The following RAP1B variants were observed in gnomAD, a reference collection of about 807,000 sequenced individuals.
RAP1B encodes RAP1B, member of RAS oncogene family.
RAP1B carries 1 observed loss-of-function variant against 27.5 expected under a neutral mutation model. The observed-to-expected ratio is 0.04, with a 90% CI of 0.01 to 0.17. The LOEUF is 0.17. Ranked by LOEUF, RAP1B falls within the 10% of genes least tolerant of loss-of-function variation. The pLI is 1.00. For missense variants in RAP1B, 84 were observed against 214.8 expected, an observed-to-expected ratio of 0.39 and a Z score of 3.81; for synonymous variants, 75 against 73.1, an observed-to-expected ratio of 1.03 and a Z score of -0.13.
Position 68,661,274 on chromosome 12 carries a change from T to C in RAP1B, c.*2025T>C, listed in dbSNP as rs945059384. 6.6e-6 allele frequency: 1 copy of C among 152,170 alleles called. No homozygotes were observed. The highest frequency in any genetic ancestry group is 2.4e-5 in the African/African-American group (1 of 41,438). The allele number at this position is 152,170 out of a possible 1,614,324, so 9.4% of individuals were successfully genotyped here. ...AATTAAGCCCAAAAAACTGGGACTGTGAAACACTAAAATTACTTCAATTTA... is the reference window on the plus strand; with the variant it reads ...AATTAAGCCCAAAAAACTGGGACTGCGAAACACTAAAATTACTTCAATTTA... On this transcript the variant is annotated 3_prime_UTR_variant, in exon 8 of 8. Transcript: ENST00000250559.
chr12:68,626,721 CT>C lies in RAP1B; in HGVS notation c.-27+15679del, dbSNP rs1383990175. ...GTAGACAGCCCCTAATATTTCTGGT[CT>C]CGGGTAAAGGTCTTAAGGAAGAGGG... is the stretch of plus-strand genomic sequence containing the variant. On this transcript the variant is annotated intron_variant, in intron 1 of 7. Coordinates refer to ENST00000250559, the MANE Select transcript of RAP1B (RefSeq NM_001010942.3). 4 of 665,006 alleles carry C rather than the reference CT, an allele frequency of 6.0e-6. No individual in the cohort carries two copies. In the African/African-American group the frequency reaches 7.4e-5, roughly 12 times the overall value. 41.2% of individuals were successfully genotyped at this position (665,006 alleles called of 1,614,324 possible). A position where few individuals can be genotyped will look rare whatever the true frequency, so the allele number is the denominator to read the frequency against.
chr12:68,657,722 T>TAA (rs1327105054), intron 7 of RAP1B: 6 of 120,382 alleles, frequency 5.0e-5, no homozygotes, highest in African/African-American at 1.7e-4. Context: ...GTCCCTAATT[T>TAA]AAAACACACA....
intron 1 of RAP1B, among the ~76,000 whole-genome samples, chr12:68,625,893 G>T (rs1871732203): frequency 6.6e-6 from 1 of 151,402 alleles, no homozygotes; most frequent in Admixed American, 6.6e-5. Context: ...CTGCACTCCA[G>T]TCTGGCGATA....
At chr12:68,639,781 T>C (rs1324986087) in intron 1 of RAP1B, among the ~76,000 whole-genome samples, 1 of 152,134 alleles carries the variant, frequency 6.6e-6, no homozygotes, top group Non-Finnish European at 1.5e-5. Context: ...AGGGGCTGGA[T>C]TGACTCCCAA....
At chr12:68,656,556 ATGT>A in intron 6 of RAP1B, 107 bp downstream of exon 6, 1 of 1,102,696 alleles carries the variant, frequency 9.1e-7, no homozygotes, top group Admixed American at 2.2e-5. Flanking sequence ...TAATATGTTG[ATGT>A]TACAGGCAAA....
rs1171771311 is a variant in RAP1B at position 68,664,514 on chromosome 12, C to G, written c.*5265C>G. 1.3e-5 allele frequency: 2 copies of G among 152,122 alleles called. No homozygotes were observed. The highest frequency in any genetic ancestry group is 4.8e-5 in the African/African-American group (2 of 41,402). The allele number at this position is 152,122 out of a possible 1,614,324, so 9.4% of individuals were successfully genotyped here. ...CTGGAAGCCAGGAGTTTGAGACAAGCCTGGCCAACATGGTGAAACCCCGTC... is the reference window on the plus strand; with the variant it reads ...CTGGAAGCCAGGAGTTTGAGACAAGGCTGGCCAACATGGTGAAACCCCGTC... On this transcript the variant is annotated 3_prime_UTR_variant, in exon 8 of 8. Coordinates refer to ENST00000250559, the MANE Select transcript of RAP1B (RefSeq NM_001010942.3).
At chr12:68,649,459 A>G (rs1179351119) in intron 2 of RAP1B, 1 of 152,200 alleles carries the variant, frequency 6.6e-6, no homozygotes, top group Non-Finnish European at 1.5e-5. Flanking sequence ...TTTTAACGGC[A>G]CGTTTTCTGC....
At chr12:68,654,601 C>T (rs777600071) in intron 5 of RAP1B, among the ~76,000 whole-genome samples, 1 of 151,884 alleles carries the variant, frequency 6.6e-6, no homozygotes, top group Non-Finnish European at 1.5e-5. Context: ...CCTCAGCCTC[C>T]CGGGTAGCTG....
intron 1 of RAP1B, among the ~76,000 whole-genome samples, chr12:68,625,524 A>G (rs1871696155): frequency 6.6e-6 from 1 of 152,208 alleles, no homozygotes; most frequent in Non-Finnish European, 1.5e-5. Context: ...TTACTGGGGA[A>G]TTTTCCATTA....
chr12:68,665,107 T>C lies in RAP1B; in HGVS notation c.*5858T>C, dbSNP rs888166424. 6.6e-5 allele frequency: 10 copies of C among 152,180 alleles called. No homozygotes were observed. Among genetic ancestry groups the C allele is most frequent in the East Asian group, 1.9e-4 (1 of 5,192 alleles). 9.4% of individuals were successfully genotyped at this position (152,180 alleles called of 1,614,324 possible). On this transcript the variant is annotated 3_prime_UTR_variant, in exon 8 of 8. Transcript: ENST00000250559. ...TGGTTTGAGGCCAGCATGGATAACATAGGGAGACCCTGTCACTTGACAAAA... is the reference window on the plus strand; with the variant it reads ...TGGTTTGAGGCCAGCATGGATAACACAGGGAGACCCTGTCACTTGACAAAA...
rs1305984355 is a variant in RAP1B at position 68,671,886 on chromosome 12, G to A, written c.*12637G>A. 6.6e-6 allele frequency: 1 copy of A among 151,964 alleles called. No homozygotes were observed. Among genetic ancestry groups the A allele is most frequent in the Non-Finnish European group, 1.5e-5 (1 of 67,998 alleles). The allele number at this position is 151,964 out of a possible 1,614,324, so 9.4% of individuals were successfully genotyped here. A position where few individuals can be genotyped will look rare whatever the true frequency, so the allele number is the denominator to read the frequency against. Reference sequence around the variant, plus strand: ...GATAATATGCATTAATAAAAATTATGGTGCTGGCAACAGTATCATGGATGA... The same window carrying A: ...GATAATATGCATTAATAAAAATTATAGTGCTGGCAACAGTATCATGGATGA... On this transcript the variant is annotated 3_prime_UTR_variant, in exon 8 of 8. Coordinates refer to ENST00000250559, the MANE Select transcript of RAP1B (RefSeq NM_001010942.3).
chr12:68,656,407 A>T lies in RAP1B; in HGVS notation c.426A>T (p.Ala142=). The change falls in exon 6 of 8, where the codon GCA becomes GCT. Residue 142 remains alanine, a synonymous_variant. Coordinates refer to ENST00000250559, the MANE Select transcript of RAP1B (RefSeq NM_001010942.3). ...QNLARQWNNC[A]FLESSAKSKI... is the part of the protein sequence containing the mutation. ...TAGCAAGACAATGGAACAACTGTGC[A>T]TTCTTAGAATCTTCTGCAAAATCAA... 1 of 1,611,314 alleles carries T rather than the reference A, an allele frequency of 6.2e-7. No individual in the cohort carries two copies. Among genetic ancestry groups the T allele is most frequent in the Non-Finnish European group, 8.5e-7 (1 of 1,177,566 alleles).
chr12:68,617,326 A>G (rs896052754), intron 1 of RAP1B, among the ~76,000 whole-genome samples: 18 of 152,230 alleles, frequency 1.2e-4, no homozygotes, highest in African/African-American at 4.1e-4. Context: ...GTGCCAACAT[A>G]TTTGTGGCTG....
intron 1 of RAP1B, chr12:68,627,398 AAATATACCC>A: frequency 1.7e-6 from 1 of 581,622 alleles, no homozygotes; most frequent in South Asian, 1.8e-5. Flanking sequence ...TAAAACACAC[AAATATACCC>A]AATCCCTACT....
intron 1 of RAP1B, among the ~76,000 whole-genome samples, chr12:68,633,853 C>CAGTA (rs933383260): frequency 1.3e-5 from 2 of 152,072 alleles, no homozygotes; most frequent in Admixed American, 6.6e-5. Flanking sequence ...CTGGGCAATA[C>CAGTA]AGTAAGACTC....
chr12:68,635,493 T>C (rs972834045), intron 1 of RAP1B, among the ~76,000 whole-genome samples: 1 of 152,222 alleles, frequency 6.6e-6, no homozygotes, highest in Admixed American at 6.5e-5. Context: ...AGTCACTCTG[T>C]CACCCAGGCT....
At chr12:68,642,380 C>A in intron 1 of RAP1B, 6 of 429,770 alleles carry the variant, frequency 1.4e-5, no homozygotes, top group Admixed American at 3.9e-5. Flanking sequence ...TTAAATGAAA[C>A]TGAGTTAGCA....
At chr12:68,639,458 T>TA (rs1446506282) in intron 1 of RAP1B, among the ~76,000 whole-genome samples, 5 of 152,236 alleles carry the variant, frequency 3.3e-5, no homozygotes, top group African/African-American at 1.2e-4. Context: ...AGGTAATACG[T>TA]AATCAAGTCC....
chr12:68,670,578 A>C lies in RAP1B; in HGVS notation c.*11329A>C, dbSNP rs1278914797. On this transcript the variant is annotated 3_prime_UTR_variant, in exon 8 of 8. Coordinates refer to ENST00000250559, the MANE Select transcript of RAP1B (RefSeq NM_001010942.3). ...CCAATAAGCCCATCAGAAGTCAAAA[A>C]TGTAAGTCGAAAATGCATTTAATAC... is the stretch of plus-strand genomic sequence containing the variant. The C allele has an allele frequency of 6.6e-6, 1 of 152,206 alleles. No homozygotes were observed. The highest frequency in any genetic ancestry group is 2.4e-5 in the African/African-American group (1 of 41,448). 9.4% of individuals were successfully genotyped at this position (152,206 alleles called of 1,614,324 possible). A position where few individuals can be genotyped will look rare whatever the true frequency, so the allele number is the denominator to read the frequency against.
Sources: gnomAD v4.1 joint callset for allele counts (sites outside exome capture counted in the v4.1 genomes callset) on GRCh38, gnomAD v4.1.1 for gene constraint, MANE v1.5 for transcripts, NCBI Gene and HGNC (gene_info 2026-07-23, HGNC 2026-07-21) for gene names.